Variants in SPATA6L observed in about 807,000 individuals in gnomAD.
SPATA6L encodes the protein spermatogenesis associated 6 like.
A neutral mutation model predicts 49.2 loss-of-function variants in SPATA6L; 68 were observed. The observed-to-expected ratio is 1.38, with a 90% CI of 1.14 to 1.69. SPATA6L has a LOEUF of 1.69. Ranked by LOEUF, SPATA6L falls within the 40% of genes most tolerant of loss-of-function variation. SPATA6L has a pLI of 0.00. For missense variants in SPATA6L, 668 were observed against 464.3 expected, an observed-to-expected ratio of 1.44 and a Z score of -4.03; for synonymous variants, 198 against 165.7, an observed-to-expected ratio of 1.19 and a Z score of -1.50.
intron 3 of SPATA6L, among the ~76,000 whole-genome samples, chr9:4,652,660 G>T (rs1258656168): frequency 1.3e-5 from 2 of 151,550 alleles, no homozygotes; most frequent in Non-Finnish European, 2.9e-5. Context: ...TGACCAACAT[G>T]CAGAAACCCC....
intron 3 of SPATA6L, among the ~76,000 whole-genome samples, chr9:4,648,841 CCT>C (rs1347663316): frequency 2.6e-5 from 4 of 152,262 alleles, no homozygotes; most frequent in East Asian, 1.9e-4. Context: ...ACCCTTTCCC[CCT>C]GAGTCCCCAA....
chr9:4,657,221 A>T (rs1354502569), intron 2 of SPATA6L, among the ~76,000 whole-genome samples: 2 of 152,198 alleles, frequency 1.3e-5, no homozygotes, highest in Non-Finnish European at 2.9e-5. Flanking sequence ...AACAAAAATG[A>T]AAGTGTCTCA....
intron 2 of SPATA6L, among the ~76,000 whole-genome samples, chr9:4,660,568 T>G (rs1044173562): frequency 1.3e-5 from 2 of 152,196 alleles, no homozygotes; most frequent in African/African-American, 4.8e-5. Context: ...CAGGAACACC[T>G]TTACACTGTT....
At position 4,611,686 on chromosome 9, in the gene SPATA6L, A is replaced by G. The variant is rs571203662; in HGVS notation, c.995+6237T>C. On this transcript the variant is annotated intron_variant, in intron 9 of 11. Coordinates refer to ENST00000682582, the MANE Select transcript of SPATA6L (RefSeq NM_001353486.2). ...GGGGGGAGGGATAGCAGTGGGAGAT[A>G]CACCTAATGCTAGATGACGAGTTAG... 2.7e-5 allele frequency among the ~76,000 whole-genome samples: 4 copies of G among 150,404 alleles called. 1 individual carries two copies. The South Asian group carries it at 8.6e-4, about 32-fold the overall frequency.
intron 3 of SPATA6L, among the ~76,000 whole-genome samples, chr9:4,647,104 A>G (rs76677270): frequency 0.045 from 6,752 of 151,134 alleles, 300 homozygotes; most frequent in African/African-American, 0.1. Context: ...AAAAGTATTG[A>G]AAAAAAAAGA....
At chr9:4,607,291 G>C (rs919699137) in intron 9 of SPATA6L, among the ~76,000 whole-genome samples, 7 of 152,034 alleles carry the variant, frequency 4.6e-5, no homozygotes, top group South Asian at 2.1e-4. Context: ...GAAATACAGA[G>C]AATGCCACAA....
intron 9 of SPATA6L, among the ~76,000 whole-genome samples, chr9:4,613,653 C>T (rs188871937): frequency 6.5e-4 from 99 of 152,176 alleles, no homozygotes; most frequent in Non-Finnish European, 1.1e-3. Context: ...GCGCTACCTC[C>T]GCTCACTGCA....
At chr9:4,611,583 G>T (rs996926553) in intron 9 of SPATA6L, among the ~76,000 whole-genome samples, 2 of 144,840 alleles carry the variant, frequency 1.4e-5, no homozygotes, top group Non-Finnish European at 3.0e-5. Flanking sequence ...TCACTCATAG[G>T]TGGGAATTGA....
At chr9:4,591,821 G>A (rs571325599) in intron 13 of SPATA6L, among the ~76,000 whole-genome samples, 197 of 152,304 alleles carry the variant, frequency 1.3e-3, no homozygotes, top group Non-Finnish European at 2.3e-3. Flanking sequence ...CTGTGAAAAT[G>A]TTTGCTTCTA....
At chr9:4,638,765 C>T (rs547147155) in intron 3 of SPATA6L, among the ~76,000 whole-genome samples, 103 of 137,620 alleles carry the variant, frequency 7.5e-4, no homozygotes, top group African/African-American at 3.0e-3. Flanking sequence ...GTTAAGAACT[C>T]TTTTCTTTTC....
intron 6 of SPATA6L, among the ~76,000 whole-genome samples, chr9:4,625,011 T>G (rs1159146532): frequency 6.6e-6 from 1 of 152,190 alleles, no homozygotes; most frequent in Non-Finnish European, 1.5e-5. Context: ...ATTTGCAACC[T>G]CTGTCAGTTC....
At chr9:4,640,212 C>T (rs4742035) in intron 3 of SPATA6L, among the ~76,000 whole-genome samples, 27,357 of 152,166 alleles carry the variant, frequency 0.18, 2,949 homozygotes, top group East Asian at 0.43. Context: ...CACTGTGGAA[C>T]AGGATCACGC....
intron 9 of SPATA6L, among the ~76,000 whole-genome samples, chr9:4,611,831 A>T (rs975721507): frequency 2.6e-5 from 4 of 152,164 alleles, no homozygotes; most frequent in African/African-American, 9.7e-5. Context: ...AATCCAAAAA[A>T]TTTTAATATA....
intron 7 of SPATA6L, among the ~76,000 whole-genome samples, chr9:4,620,642 A>C (rs1045450436): frequency 2.0e-5 from 3 of 152,228 alleles, no homozygotes; most frequent in Non-Finnish European, 4.4e-5. Context: ...CTGAGCCCAG[A>C]GGTCTGAATG....
At chr9:4,644,182 GCAAAAAAAAAAAAAAAA>G (rs1474487399) in intron 3 of SPATA6L, among the ~76,000 whole-genome samples, 4 of 49,410 alleles carry the variant, frequency 8.1e-5, no homozygotes, top group Non-Finnish European at 1.0e-4. Context: ...TGCCATCTCT[GCAAAAAAAAAAAAAAAA>G]AAAAAAAAAA....
At chr9:4,590,031 C>T (rs1398351014) in intron 13 of SPATA6L, among the ~76,000 whole-genome samples, 1 of 152,162 alleles carries the variant, frequency 6.6e-6, no homozygotes, top group Non-Finnish European at 1.5e-5. Context: ...TCAAGTGATT[C>T]TCCCGCCTCA....
In SPATA6L at chr9:4,662,454, C is replaced by G. The variant is rs1484231147; in HGVS notation, c.40-418G>C. The stretch of plus-strand genomic sequence containing the variant: ...GAGCAGCAGCAGCAGCCCCGGCAGC[C>G]CAGCCCATGGCGGCGGTGGCGGCGG... On this transcript the variant is annotated intron_variant, in intron 1 of 11. Transcript: ENST00000682582. This position sits in a 1 kb window ranked among gnomAD's most constrained non-coding sequence, Gnocchi z 4.9. 2 of 1,547,060 alleles carry G rather than the reference C, an allele frequency of 1.3e-6. No homozygotes were observed. Among genetic ancestry groups the G allele is most frequent in the Non-Finnish European group, 1.7e-6 (2 of 1,155,432 alleles).
intron 5 of SPATA6L, chr9:4,628,011 C>T (rs895983260): frequency 1.4e-5 from 5 of 357,880 alleles, no homozygotes; most frequent in Non-Finnish European, 2.7e-5. Context: ...GAAAGACAAA[C>T]TTTATATATT....
downstream of SPATA6L, among the ~76,000 whole-genome samples, chr9:4,594,373 C>T (rs543912568): frequency 2.0e-5 from 3 of 152,274 alleles, no homozygotes; most frequent in East Asian, 3.9e-4. Context: ...GCATGCCTGG[C>T]TAACTTTTTT....
Sources: gnomAD v4.1 joint callset for allele counts (sites outside exome capture counted in the v4.1 genomes callset) on GRCh38, gnomAD v4.1.1 for gene constraint, Gnocchi (gnomAD v3.1) non-coding constraint, MANE v1.5 for transcripts, NCBI Gene and HGNC (gene_info 2026-07-23, HGNC 2026-07-21) for gene names.